The following SYT13 variants were observed in gnomAD, a reference collection of about 807,000 sequenced individuals.
SYT13 encodes synaptotagmin-13.
A neutral mutation model predicts 38.6 loss-of-function variants in SYT13; 21 were observed. The ratio of observed to expected loss-of-function variants is 0.54; its 90% CI spans 0.39 to 0.78. The LOEUF (loss-of-function observed/expected upper bound fraction) is 0.78. Ranked by LOEUF, SYT13 falls within the 30% of genes least tolerant of loss-of-function variation. The pLI, the probability that SYT13 is intolerant of heterozygous loss-of-function variation, is 0.00. For synonymous variants in SYT13, 241 were observed against 237.6 expected, an observed-to-expected ratio of 1.01 and a Z score of -0.13; for missense variants, 495 against 548.7, an observed-to-expected ratio of 0.90 and a Z score of 0.98.
Position 45,286,224 on chromosome 11 carries a change from G to T in SYT13, c.-17C>A. On this transcript the variant is annotated 5_prime_UTR_variant, in exon 1 of 6. Coordinates refer to ENST00000020926, the MANE Select transcript of SYT13 (RefSeq NM_020826.3). ...CAGCACCATGGTGCCCGCTCCCGGC[G>T]AGGGGCTGGGTCCCGCAGCCGCTCA... is the stretch of plus-strand genomic sequence containing the variant. 1 of 1,528,764 alleles carries T rather than the reference G, an allele frequency of 6.5e-7. No homozygotes were observed. Among genetic ancestry groups the T allele is most frequent in the Non-Finnish European group, 8.8e-7 (1 of 1,140,108 alleles). The allele number at this position is 1,528,764 out of a possible 1,614,324, so 94.7% of individuals were successfully genotyped here. A position where few individuals can be genotyped will look rare whatever the true frequency, so the allele number is the denominator to read the frequency against.
intron 1 of SYT13, among the ~76,000 whole-genome samples, chr11:45,272,102 A>G (rs1216344295): frequency 2.0e-5 from 3 of 152,104 alleles, no homozygotes; most frequent in African/African-American, 7.2e-5. Context: ...AGAACAGAAA[A>G]CCAAGCACTG....
At chr11:45,244,573 C>T (rs1346443999) in intron 5 of SYT13, among the ~76,000 whole-genome samples, 1 of 152,184 alleles carries the variant, frequency 6.6e-6, no homozygotes, top group African/African-American at 2.4e-5. Context: ...ATAGAAGGCT[C>T]TGCTATACCA....
chr11:45,262,288 G>A (rs1854826486), intron 1 of SYT13, among the ~76,000 whole-genome samples: 1 of 152,192 alleles, frequency 6.6e-6, no homozygotes, highest in Non-Finnish European at 1.5e-5. Flanking sequence ...GAGACAGAAA[G>A]TAGAATGGTG....
rs2135893114 is a variant in SYT13, at chr11:45,255,752, G to T, written c.323C>A (p.Pro108His). The change falls in exon 2 of 6, where the codon CCC becomes CAC. Residue 108 changes from proline (P) to histidine (H), a missense_variant. Coordinates refer to ENST00000020926, the MANE Select transcript of SYT13 (RefSeq NM_020826.3). ...ADYSLRSTEE[P>H]TAPASPQPPN... ...GGGTTGGGGGCTGGCAGGTGCAGTG[G>T]GCTCCTCCGTAGACCTCAGTGAATA... is the stretch of plus-strand genomic sequence containing the variant. 1 of 1,614,150 alleles carries T rather than the reference G, an allele frequency of 6.2e-7. No homozygotes were observed. The highest frequency in any genetic ancestry group is 8.5e-7 in the Non-Finnish European group (1 of 1,180,018).
At chr11:45,260,014 C>T (rs1341409100) in intron 1 of SYT13, among the ~76,000 whole-genome samples, 1 of 152,236 alleles carries the variant, frequency 6.6e-6, no homozygotes, top group Non-Finnish European at 1.5e-5. Flanking sequence ...GATTTTTGTG[C>T]CTTGCAGCCA....
chr11:45,279,982 A>G (rs528023674), intron 1 of SYT13, among the ~76,000 whole-genome samples: 1 of 152,296 alleles, frequency 6.6e-6, no homozygotes, highest in South Asian at 2.1e-4. Context: ...TGGGTTTCCC[A>G]TGGCACCCTG....
In SYT13 at chr11:45,255,652, C is replaced by A. The variant is rs1274103175; in HGVS notation, c.409+14G>T. 1.2e-6 allele frequency: 2 copies of A among 1,607,152 alleles called. No individual in the cohort carries two copies. The highest frequency in any genetic ancestry group is 1.7e-5 in the Admixed American group (1 of 59,834). On this transcript the variant is annotated intron_variant, in intron 2 of 5. Coordinates refer to ENST00000020926, the MANE Select transcript of SYT13 (RefSeq NM_020826.3). ...GTGCTGCCCATGGAAGTGCAGGGGG[C>A]AGGAGACCCCTACCATTCTGAGGGA...
intron 1 of SYT13, among the ~76,000 whole-genome samples, chr11:45,282,640 A>C (rs1855087455): frequency 6.6e-6 from 1 of 152,232 alleles, no homozygotes; most frequent in Admixed American, 6.5e-5. Flanking sequence ...CAACAGCTGT[A>C]ATGTGCTACC....
intron 1 of SYT13, among the ~76,000 whole-genome samples, chr11:45,284,252 G>A (rs1053156642): frequency 2.6e-5 from 4 of 152,154 alleles, no homozygotes; most frequent in African/African-American, 9.7e-5. Context: ...TAATAGTGTG[G>A]CCACCAGAAT....
rs1422006891 is a variant in SYT13 at position 45,242,894 on chromosome 11, GTTAT to G, written c.*1154_*1157del. On this transcript the variant is annotated 3_prime_UTR_variant, in exon 6 of 6. Coordinates refer to ENST00000020926, the MANE Select transcript of SYT13 (RefSeq NM_020826.3). ...GTAGGAATTCAAAACCTAGCTGCTG[GTTAT>G]TTACCCATTCAAGTGAAAACAGACA... is the stretch of plus-strand genomic sequence containing the variant. 6.6e-6 allele frequency: 1 copy of G among 152,182 alleles called. No individual in the cohort carries two copies. Among genetic ancestry groups the G allele is most frequent in the Non-Finnish European group, 1.5e-5 (1 of 68,034 alleles). 9.4% of individuals were successfully genotyped at this position (152,182 alleles called of 1,614,324 possible).
chr11:45,254,576 C>T, intron 2 of SYT13, 172 bp from the exon 3 acceptor site: 2 of 780,962 alleles, frequency 2.6e-6, no homozygotes, highest in Non-Finnish European at 1.9e-6. Context: ...TGTCACAGCC[C>T]ATTAGGCTGC....
At chr11:45,275,742 G>A (rs1018465098) in intron 1 of SYT13, among the ~76,000 whole-genome samples, 1 of 152,182 alleles carries the variant, frequency 6.6e-6, no homozygotes, top group Admixed American at 6.5e-5. Context: ...CACTGGCCTG[G>A]TAAGGAAATA....
chr11:45,285,273 G>C (rs1328975893), intron 1 of SYT13, among the ~76,000 whole-genome samples: 1 of 152,224 alleles, frequency 6.6e-6, no homozygotes, highest in African/African-American at 2.4e-5. Context: ...ATGGGAGCAC[G>C]GGCTATTTCC....
At chr11:45,285,053 G>A (rs1342388961) in intron 1 of SYT13, among the ~76,000 whole-genome samples, 3 of 152,152 alleles carry the variant, frequency 2.0e-5, no homozygotes, top group African/African-American at 7.2e-5. Flanking sequence ...CAGTCTATAA[G>A]GGATCTAGAG....
intron 4 of SYT13, among the ~76,000 whole-genome samples, chr11:45,247,734 C>T (rs895327482): frequency 4.6e-5 from 7 of 152,192 alleles, no homozygotes; most frequent in African/African-American, 1.7e-4. Context: ...ATTCAGCAAG[C>T]ATATGCAATG....
At position 45,243,268 on chromosome 11, in the gene SYT13, CAAA is replaced by C; in HGVS notation, c.*781_*783del. 1 of 152,142 alleles carries C rather than the reference CAAA, an allele frequency of 6.6e-6. No homozygotes were observed. Among genetic ancestry groups the C allele is most frequent in the Admixed American group, 6.5e-5 (1 of 15,272 alleles). 9.4% of individuals were successfully genotyped at this position (152,142 alleles called of 1,614,324 possible). On this transcript the variant is annotated 3_prime_UTR_variant, in exon 6 of 6. Transcript: ENST00000020926. ...AAGAGCAGGGGGCTTATGAAATGCA[CAAA>C]TTAAAGTATTAAGAATTAAAATAAT... is the stretch of plus-strand genomic sequence containing the variant.
chr11:45,283,575 A>T (rs1010838192), intron 1 of SYT13, among the ~76,000 whole-genome samples: 29 of 152,242 alleles, frequency 1.9e-4, no homozygotes, highest in African/African-American at 7.0e-4. Flanking sequence ...ATCTGAGAAC[A>T]ACAGCAACCA....
chr11:45,251,386 TAAAA>T (rs10649998), intron 4 of SYT13, among the ~76,000 whole-genome samples: 17 of 75,372 alleles, frequency 2.3e-4, no homozygotes, highest in South Asian at 6.4e-4. Flanking sequence ...AGACTCTGTC[TAAAA>T]AAAAAAAAAA....
intron 1 of SYT13, chr11:45,258,500 C>T (rs2135895303): frequency 6.6e-6 from 1 of 152,246 alleles, no homozygotes; most frequent in African/African-American, 2.4e-5. Flanking sequence ...TTTTAGGCTG[C>T]AAAGAGATGA....
Sources: allele counts gnomAD v4.1 joint callset (sites outside exome capture counted in the v4.1 genomes callset), GRCh38; gene constraint gnomAD v4.1.1; transcripts MANE v1.5; gene names NCBI Gene and HGNC (gene_info 2026-07-23, HGNC 2026-07-21).